Variants in CROCC observed in about 807,000 individuals in gnomAD.
CROCC encodes the protein ciliary rootlet coiled-coil, rootletin.
A neutral mutation model predicts 245.2 loss-of-function variants in CROCC; 180 were observed. That is an observed-to-expected ratio of 0.73 (90% CI 0.65 to 0.83). CROCC has a LOEUF of 0.83. CROCC is among the 40% of genes least tolerant of loss of function. The pLI is 0.00. For synonymous variants in CROCC, 1,205 were observed against 1,241.6 expected (o/e 0.97, Z 0.62); for missense variants, 2,688 against 2,779.4 (o/e 0.97, Z 0.74).
rs2075777674 is a variant in CROCC, at chr1:16,935,919, G to C, written c.957-718G>C. Among the ~76,000 whole-genome samples, 3 of 152,404 alleles carry C rather than the reference G, an allele frequency of 2.0e-5. No homozygotes were observed. In the South Asian group the frequency reaches 6.2e-4, roughly 32 times the overall value. On this transcript the variant is annotated intron_variant, in intron 8 of 36. Transcript: ENST00000375541. ...ATCGTTGGATACGTTCTTAGAGGAG[G>C]AGCCGGTGGGGAAGGTCCTATGCAT...
chr1:16,918,518 A>G (rs1348509695), upstream of CROCC, among the ~76,000 whole-genome samples: 1 of 152,090 alleles, frequency 6.6e-6, no homozygotes, highest in African/African-American at 2.4e-5. Context: ...GCACAGAATA[A>G]TCCAGTTCAG....
intron 18 of CROCC, 134 bp from the exon 19 acceptor site, chr1:16,948,665 T>TTCC (rs2076104937): frequency 6.6e-7 from 1 of 1,520,466 alleles, no homozygotes; most frequent in African/African-American, 1.4e-5. Flanking sequence ...TGGCTCAGGC[T>TTCC]TCCCCAGGGA....
At position 16,970,382 on chromosome 1, in the gene CROCC, A is replaced by C. The variant is rs1177945634; in HGVS notation, c.5581A>C (p.Lys1861Gln). Residue 1861 changes from lysine (K) to glutamine (Q), a missense_variant, in exon 34 of 37, where the codon AAG becomes CAG. This residue lies in a region of CROCC where 1,218 missense variants were observed against 1,286.3 expected (regional missense o/e 0.95). Transcript: ENST00000375541. ...CGCCCTGGCTCAGCTGGAAGCTGAG[A>C]AGCGGGAGGTGGAGCGCTCAGCCCT... The part of the protein sequence containing the change: ...QRALAQLEAE[K>Q]REVERSALRL... The C allele has an allele frequency of 2.5e-6, 4 of 1,604,004 alleles. No homozygotes were observed. Among genetic ancestry groups the C allele is most frequent in the Non-Finnish European group, 3.4e-6 (4 of 1,176,166 alleles).
At position 16,936,689 on chromosome 1, in the gene CROCC, GAGGCGGGCC is replaced by G. The variant is rs1183983844; in HGVS notation, c.1010_1018del (p.Glu337_Leu340delinsVal). 6.2e-7 allele frequency: 1 copy of G among 1,603,132 alleles called. No homozygotes were observed. The highest frequency in any genetic ancestry group is 8.5e-7 in the Non-Finnish European group (1 of 1,175,620). ...GGCCCGGACATCACGAGCTGTCCAG[GAGGCGGGCC>G]TGGGACTGAGCACGGGCCTACGGCT... is the stretch of plus-strand genomic sequence containing the variant. On this transcript the variant is annotated inframe_deletion, in exon 9 of 37. Transcript: ENST00000375541.
intron 4 of CROCC, 36 bp from the exon 5 acceptor site, chr1:16,930,088 A>T (rs771296501): frequency 6.3e-7 from 1 of 1,576,402 alleles, no homozygotes; most frequent in Non-Finnish European, 8.6e-7. Flanking sequence ...GCCCCGCCCC[A>T]ACCCCTGGGG....
chr1:16,934,197 A>C (rs11203438), intron 8 of CROCC, among the ~76,000 whole-genome samples: 2 of 152,130 alleles, frequency 1.3e-5, no homozygotes, highest in African/African-American at 4.8e-5. Context: ...TCCTGTGTAT[A>C]TTAATTAGAA....
chr1:16,946,832 A>C lies in CROCC; in HGVS notation c.2355A>C (p.Glu785Asp), dbSNP rs2076058479. The C allele has an allele frequency of 6.4e-7, 1 of 1,553,902 alleles. No homozygotes were observed. The highest frequency in any genetic ancestry group is 8.7e-7 in the Non-Finnish European group (1 of 1,148,488). ...QAEQEATVAR[E>D]EQERLEELRL... Reference sequence around the variant, plus strand: ...AGCAGGAGGCCACAGTGGCGCGGGAAGAGCAGGAACGGCTAGAGGAGCTGC... The same window carrying C: ...AGCAGGAGGCCACAGTGGCGCGGGACGAGCAGGAACGGCTAGAGGAGCTGC... The change falls in exon 17 of 37, where the codon GAA (glutamate) becomes GAC (aspartate). Residue 785 changes from glutamate (E) to aspartate (D), a missense_variant. Around this residue, in one of 9 missense-constraint regions of CROCC, gnomAD observed 295 missense variants for 241.7 expected, o/e 1.22. Transcript: ENST00000375541.
intron 3 of CROCC, 60 bp from the exon 4 acceptor site, chr1:16,929,786 G>A (rs1240191179): frequency 1.4e-6 from 2 of 1,468,060 alleles, no homozygotes; most frequent in African/African-American, 2.8e-5. Flanking sequence ...ACGCCCTACA[G>A]AAGCCTGAGC....
chr1:16,950,483 CT>C (rs61690020), intron 19 of CROCC, among the ~76,000 whole-genome samples: 33,559 of 151,278 alleles, frequency 0.22, 4,141 homozygotes, highest in African/African-American at 0.33. Flanking sequence ...CTCAGCCTCC[CT>C]GAGGCTGGGA....
In CROCC at chr1:16,937,737, G is replaced by C; in HGVS notation, c.1290G>C (p.Leu430=). The part of the protein sequence containing the change: ...NKDLTEKLEA[L]ESLRLQEQAA... ...ACCTCACTGAGAAGCTTGAGGCCCT[G>C]GTGAGCTGCAGGTGCCCCTGAGATG... The change falls in exon 10 of 37, where the codon CTG becomes CTC. Residue 430 remains leucine (L), a splice_region_variant and synonymous_variant. Coordinates refer to ENST00000375541, the MANE Select transcript of CROCC (RefSeq NM_014675.5). 6.2e-7 allele frequency: 1 copy of C among 1,608,170 alleles called. No individual in the cohort carries two copies. Among genetic ancestry groups the C allele is most frequent in the Non-Finnish European group, 8.5e-7 (1 of 1,177,394 alleles).
intron 9 of CROCC, among the ~76,000 whole-genome samples, chr1:16,937,420 G>A (rs1326827141): frequency 6.6e-6 from 1 of 152,158 alleles, no homozygotes; most frequent in Non-Finnish European, 1.5e-5. Flanking sequence ...GTCCTCAACT[G>A]CTTTCCCATG....
rs764814257 is a variant in CROCC at position 16,936,789 on chromosome 1, A to C, written c.1109A>C (p.Gln370Pro). ...QALLQAQLEEQLRDKVLREKD... is the reference protein window; with the variant it reads ...QALLQAQLEEPLRDKVLREKD... ...CTGCTGCAGGCCCAGCTGGAGGAGC[A>C]GCTGCGGGACAAGGTGCTCCGCGAG... Residue 370 changes from glutamine (Q) to proline (P), a missense_variant, in exon 9 of 37, where the codon CAG (glutamine) becomes CCG (proline). Transcript: ENST00000375541. The C allele has an allele frequency of 9.4e-5, 152 of 1,611,778 alleles. No individual in the cohort carries two copies. The highest frequency in any genetic ancestry group is 1.3e-4 in the Non-Finnish European group (150 of 1,179,760).
At chr1:16,923,159 G>A (rs1279558744) in intron 2 of CROCC, among the ~76,000 whole-genome samples, 2 of 152,280 alleles carry the variant, frequency 1.3e-5, no homozygotes, top group South Asian at 2.1e-4. Flanking sequence ...GGGTTTTGCG[G>A]AAGTCTGAGT....
At position 16,930,350 on chromosome 1, in the gene CROCC, G is replaced by A. The variant is rs1570602423; in HGVS notation, c.683+3G>A. 9.9e-6 allele frequency: 16 copies of A among 1,610,726 alleles called. No individual in the cohort carries two copies. Among genetic ancestry groups the A allele is most frequent in the Non-Finnish European group, 1.4e-5 (16 of 1,179,432 alleles). ...CGGCTGGAGGAGGAGCAGCAGAGGT[G>A]AGGGCGCAGCAGGGAGGGCCAGGGC... On this transcript the variant is annotated splice_donor_region_variant and intron_variant, in intron 6 of 36. Coordinates refer to ENST00000375541, the MANE Select transcript of CROCC (RefSeq NM_014675.5).
chr1:16,961,412 T>C (rs1253703498), intron 27 of CROCC, among the ~76,000 whole-genome samples: 1 of 151,982 alleles, frequency 6.6e-6, no homozygotes, highest in East Asian at 1.9e-4. Flanking sequence ...TAGCTGGGAC[T>C]ACAGGTGTGC....
Position 16,948,448 on chromosome 1 carries a change from C to T in CROCC, c.2632C>T (p.His878Tyr). The T allele has an allele frequency of 6.4e-7, 1 of 1,563,962 alleles. No individual in the cohort carries two copies. The part of the protein sequence containing the change: ...AREKEALAKE[H>Y]AGLAVQLVAA... ...TGAGAAGGAGGCGCTAGCCAAGGAG[C>T]ACGCTGGCCTGGCTGTGCAGCTGGT... Residue 878 changes from histidine to tyrosine, a missense_variant, in exon 18 of 37, where the codon CAC becomes TAC. Coordinates refer to ENST00000375541, the MANE Select transcript of CROCC (RefSeq NM_014675.5).
chr1:16,955,555 G>A lies in CROCC; in HGVS notation c.3704+5G>A, dbSNP rs1265314509. Reference sequence around the variant, plus strand: ...GGCAGAGAGCGAGCGCATCAGGTGGGGTGTCGCAGGAGGACCAGTCCTGAG... The same window carrying A: ...GGCAGAGAGCGAGCGCATCAGGTGGAGTGTCGCAGGAGGACCAGTCCTGAG... On this transcript the variant is annotated splice_donor_5th_base_variant and intron_variant, in intron 24 of 36. Transcript: ENST00000375541. 7 of 1,521,410 alleles carry A rather than the reference G, an allele frequency of 4.6e-6. No homozygotes were observed. The highest frequency in any genetic ancestry group is 6.1e-6 in the Non-Finnish European group (7 of 1,139,292). The allele number at this position is 1,521,410 out of a possible 1,614,324, so 94.2% of individuals were successfully genotyped here.
chr1:16,969,531 C>T (rs919588755), intron 32 of CROCC, among the ~76,000 whole-genome samples, 191 bp downstream of exon 32: 5 of 152,118 alleles, frequency 3.3e-5, no homozygotes, highest in South Asian at 2.1e-4. Context: ...GGGTATGTCC[C>T]GTAAGAAGAC....
chr1:16,951,013 A>G lies in CROCC; in HGVS notation c.2897A>G (p.Lys966Arg). ...ACACAGGAGAAAGCCAGTCTAGACAAGGAGCTGATGGCCCAGAAGCTGGTG... is the reference window on the plus strand; with the variant it reads ...ACACAGGAGAAAGCCAGTCTAGACAGGGAGCTGATGGCCCAGAAGCTGGTG... The part of the protein sequence containing the change: ...IATQEKASLD[K>R]ELMAQKLVQA... The change falls in exon 20 of 37, where the codon AAG becomes AGG. Residue 966 changes from lysine (K) to arginine (R), a missense_variant. Transcript: ENST00000375541. 6.2e-7 allele frequency: 1 copy of G among 1,607,028 alleles called. No individual in the cohort carries two copies. Among genetic ancestry groups the G allele is most frequent in the South Asian group, 1.1e-5 (1 of 89,956 alleles).
Sources: gnomAD v4.1 joint callset for allele counts (sites outside exome capture counted in the v4.1 genomes callset) on GRCh38, gnomAD v4.1.1 for gene constraint, gnomAD v4.1.1 regional missense constraint, MANE v1.5 for transcripts, NCBI Gene and HGNC (gene_info 2026-07-23, HGNC 2026-07-21) for gene names.